WDR20: variants seen among roughly 807,000 people sequenced by gnomAD.
WDR20 encodes WD repeat domain 20.
In WDR20, 3 loss-of-function variants were observed where a neutral mutation model predicts 38.7. The ratio of observed to expected loss-of-function variants is 0.08; its 90% CI spans 0.04 to 0.20. The LOEUF (loss-of-function observed/expected upper bound fraction) is 0.20, where lower values mean the gene tolerates loss of function less well. Ranked by LOEUF, WDR20 falls within the 10% of genes least tolerant of loss-of-function variation. WDR20 has a pLI of 1.00. For missense variants in WDR20, 559 were observed against 727.7 expected (o/e 0.77, Z 2.67); for synonymous variants, 298 against 285.6 (o/e 1.04, Z -0.44).
chr14:102,158,791 T>G (rs2058020506), intron 1 of WDR20, among the ~76,000 whole-genome samples: 1 of 152,092 alleles, frequency 6.6e-6, no homozygotes, highest in Non-Finnish European at 1.5e-5. Context: ...AAGGAAGAGC[T>G]CTGCCCCTGT....
At position 102,195,108 on chromosome 14, in the gene WDR20, T is replaced by G; in HGVS notation, c.420T>G (p.Leu140=). ...CAATCAAAAAAGAAACTAGCAAACT[T>G]TTTAATGAGGAAGTAAGTAGCACCC... is the stretch of plus-strand genomic sequence containing the variant. The part of the protein sequence containing the change: ...IDPIKKETSK[L]FNEERLIDKS... The change falls in exon 2 of 3, where the codon CTT becomes CTG. Residue 140 remains leucine, a synonymous_variant. Transcript: ENST00000342702. The G allele has an allele frequency of 6.2e-7, 1 of 1,614,110 alleles. No individual in the cohort carries two copies. Among genetic ancestry groups the G allele is most frequent in the Non-Finnish European group, 8.5e-7 (1 of 1,180,010 alleles).
At chr14:102,218,075 A>C (rs1010577660), downstream of WDR20, among the ~76,000 whole-genome samples, 1 of 152,198 alleles carries the variant, frequency 6.6e-6, no homozygotes, top group Admixed American at 6.5e-5. Flanking sequence ...GTGTAGAACC[A>C]GATTCTGTCT....
At chr14:102,139,426 C>T (rs1226154222), upstream of WDR20, 1 of 1,523,808 alleles carries the variant, frequency 6.6e-7, no homozygotes, top group Admixed American at 2.2e-5. Flanking sequence ...GTAGGGTACC[C>T]CGCGTGCTGG....
chr14:102,194,865 A>G (rs1013975071), intron 1 of WDR20, 73 bp from the exon 2 acceptor site: 12 of 1,449,354 alleles, frequency 8.3e-6, no homozygotes, highest in Non-Finnish European at 1.1e-5. Flanking sequence ...ATAATGGAGT[A>G]TAAAGTAGCA....
chr14:102,177,849 G>A (rs1051785699), intron 1 of WDR20, among the ~76,000 whole-genome samples: 7 of 152,124 alleles, frequency 4.6e-5, no homozygotes, highest in African/African-American at 1.4e-4. Flanking sequence ...CACCTATATT[G>A]ATTCCAACCA....
At chr14:102,219,605 G>C (rs984920913), downstream of WDR20, among the ~76,000 whole-genome samples, 5 of 152,188 alleles carry the variant, frequency 3.3e-5, no homozygotes, top group Non-Finnish European at 7.4e-5. Flanking sequence ...TTTCCCCTTT[G>C]CTCTGACGGG....
intron 1 of WDR20, among the ~76,000 whole-genome samples, chr14:102,175,555 G>A (rs2061880386): frequency 6.6e-6 from 1 of 151,900 alleles, no homozygotes; most frequent in Non-Finnish European, 1.5e-5. Context: ...GTTTTCATAT[G>A]AATTTTAGGA....
At position 102,222,743 on chromosome 14, in the gene WDR20, C is replaced by A; in HGVS notation, c.1693-87C>A. On this transcript the variant is annotated intron_variant, in intron 3 of 3. Coordinates refer to the WDR20 transcript ENST00000335263. This position sits in a 1 kb window ranked among gnomAD's most constrained non-coding sequence, Gnocchi z 4.4. The stretch of plus-strand genomic sequence containing the variant: ...CCACATCAACAGCACCAGTTTTGAC[C>A]ACGTGGAGCTGCTGGCGGAGGGCGC... 6.9e-7 allele frequency: 1 copy of A among 1,447,052 alleles called. No homozygotes were observed. Among genetic ancestry groups the A allele is most frequent in the Non-Finnish European group, 9.7e-7 (1 of 1,030,934 alleles). The allele number at this position is 1,447,052 out of a possible 1,614,324, so 89.6% of individuals were successfully genotyped here.
chr14:102,166,327 A>G (rs763876159), intron 1 of WDR20, among the ~76,000 whole-genome samples: 11 of 152,102 alleles, frequency 7.2e-5, no homozygotes, highest in Non-Finnish European at 1.5e-4. Flanking sequence ...ATATGTTTTT[A>G]TGATATTGGT....
At chr14:102,173,466 T>G (rs2061413697) in intron 1 of WDR20, among the ~76,000 whole-genome samples, 1 of 141,104 alleles carries the variant, frequency 7.1e-6, no homozygotes, top group Non-Finnish European at 1.5e-5. Flanking sequence ...TTATTATTAT[T>G]ATTATTATTA....
At chr14:102,151,460 A>G (rs1215402927) in intron 1 of WDR20, among the ~76,000 whole-genome samples, 2 of 152,030 alleles carry the variant, frequency 1.3e-5, no homozygotes, top group Non-Finnish European at 2.9e-5. Context: ...CAGTGGCTCA[A>G]TCATAGCTCA....
chr14:102,148,943 C>T (rs140091894), intron 1 of WDR20, among the ~76,000 whole-genome samples: 12,927 of 152,090 alleles, frequency 0.085, 950 homozygotes, highest in African/African-American at 0.2. Flanking sequence ...GGGCGGATCA[C>T]GAGGTCAGGA....
intron 1 of WDR20, among the ~76,000 whole-genome samples, chr14:102,150,039 C>G (rs1436864642): frequency 6.6e-6 from 1 of 152,120 alleles, no homozygotes; most frequent in Non-Finnish European, 1.5e-5. Context: ...ATATATTATT[C>G]TAAAAACATG....
intron 1 of WDR20, among the ~76,000 whole-genome samples, chr14:102,162,681 T>C (rs2059004506): frequency 6.6e-6 from 1 of 152,022 alleles, no homozygotes; most frequent in East Asian, 1.9e-4. Flanking sequence ...CAGTGTGATC[T>C]CAGCTCACTG....
rs1235320506 is a variant in WDR20 at position 102,209,425 on chromosome 14, A to C, written c.1255A>C (p.Thr419Pro). The change falls in exon 3 of 3, where the codon ACA (threonine) becomes CCA (proline). Residue 419 changes from threonine (T) to proline (P), a missense_variant. Thr to Pro is a conservative substitution (Grantham distance 38, BLOSUM62 -1). Transcript: ENST00000342702. This position sits in a 1 kb window ranked among gnomAD's most constrained non-coding sequence, Gnocchi z 6.0. ...PPAGSNGNSV[T>P]TPGNSVPPPL... ...TGCTGGAAGCAATGGGAACAGTGTT[A>C]CAACACCCGGGAACTCTGTGCCGCC... 2.5e-6 allele frequency: 4 copies of C among 1,614,098 alleles called. No homozygotes were observed. Among genetic ancestry groups the C allele is most frequent in the East Asian group, 2.2e-5 (1 of 44,904 alleles).
chr14:102,223,017 G>A (rs947751441), exon 4 of WDR20: 14 of 1,039,152 alleles, frequency 1.3e-5, no homozygotes, highest in East Asian at 5.1e-5. Context: ...CCGTGTGGAC[G>A]GTGACCGGCT....
In WDR20 at chr14:102,222,964, C is replaced by T; in HGVS notation, c.*81C>T. On this transcript the variant is annotated 3_prime_UTR_variant, in exon 4 of 4. Coordinates refer to the WDR20 transcript ENST00000335263. The surrounding 1 kb of genome is among the most constrained non-coding windows in gnomAD (Gnocchi z 4.4). ...GGAGGAGCTCCGAGCTGCGCCTGAG[C>T]CGTGCCAGCCGGCGGACCTCAGGCG... 6.4e-7 allele frequency: 1 copy of T among 1,563,616 alleles called. No homozygotes were observed. The highest frequency in any genetic ancestry group is 8.8e-7 in the Non-Finnish European group (1 of 1,138,396).
downstream of WDR20, among the ~76,000 whole-genome samples, chr14:102,216,774 A>T (rs1382326756): frequency 6.6e-6 from 1 of 152,150 alleles, no homozygotes; most frequent in African/African-American, 2.4e-5. Context: ...TACTAAAAAT[A>T]CAAAAATTAG....
downstream of WDR20, among the ~76,000 whole-genome samples, chr14:102,219,078 C>T (rs1053021531): frequency 1.3e-5 from 2 of 152,206 alleles, no homozygotes; most frequent in African/African-American, 4.8e-5. Context: ...ACCATTTGGG[C>T]AGTGGATCCC....
Sources: gnomAD v4.1 joint callset for allele counts (sites outside exome capture counted in the v4.1 genomes callset) on GRCh38, gnomAD v4.1.1 for gene constraint, Gnocchi (gnomAD v3.1) non-coding constraint, MANE v1.5 for transcripts, NCBI Gene and HGNC (gene_info 2026-07-23, HGNC 2026-07-21) for gene names.